The following GCM1 variants were observed in gnomAD, a reference collection of about 807,000 sequenced individuals.
GCM1 encodes the protein GCM transcription factor 1.
GCM1 carries 2 observed loss-of-function variants against 25.7 expected under a neutral mutation model. The ratio of observed to expected loss-of-function variants is 0.08; its 90% CI spans 0.03 to 0.24. The LOEUF (loss-of-function observed/expected upper bound fraction) is 0.24. Ranked by LOEUF, GCM1 falls within the 10% of genes least tolerant of loss-of-function variation. The probability of loss-of-function intolerance (pLI) is 1.00; values close to 1 mark genes in which losing one functional copy is unlikely to be tolerated. For synonymous variants in GCM1, 183 were observed against 195.7 expected, an observed-to-expected ratio of 0.94 and a Z score of 0.54; for missense variants, 395 against 538.7, an observed-to-expected ratio of 0.73 and a Z score of 2.64.
chr6:53,143,837 G>T (rs1171642846), intron 2 of GCM1, among the ~76,000 whole-genome samples: 1 of 151,736 alleles, frequency 6.6e-6, no homozygotes, highest in East Asian at 1.9e-4. Flanking sequence ...GTGGTGAGAG[G>T]GGTAGAGGGG....
In GCM1 at chr6:53,145,739, C is replaced by T; in HGVS notation, c.-107G>A. On this transcript the variant is annotated 5_prime_UTR_variant, in exon 2 of 6. Transcript: ENST00000259803. ...ATATAGCTGGATCGGCCCACTCAAG[C>T]ACCTTGGACCAGGAGATTGTTTTCT... 1.5e-6 allele frequency: 1 copy of T among 682,758 alleles called. No individual in the cohort carries two copies. Among genetic ancestry groups the T allele is most frequent in the Non-Finnish European group, 2.6e-6 (1 of 381,894 alleles). The allele number at this position is 682,758 out of a possible 1,614,324, so 42.3% of individuals were successfully genotyped here.
At chr6:53,139,148 A>T (rs902679215) in intron 2 of GCM1, among the ~76,000 whole-genome samples, 3 of 152,166 alleles carry the variant, frequency 2.0e-5, no homozygotes, top group Non-Finnish European at 1.5e-5. Flanking sequence ...AATATTTCTA[A>T]ATAGAACAGG....
intron 1 of GCM1, among the ~76,000 whole-genome samples, chr6:53,147,350 C>T (rs1452719112): frequency 6.0e-5 from 9 of 150,472 alleles, no homozygotes; most frequent in Admixed American, 1.3e-4. Context: ...TATTTAATAG[C>T]GAACTCAAAC....
chr6:53,147,675 C>T (rs1296911657), intron 1 of GCM1, among the ~76,000 whole-genome samples: 3 of 151,930 alleles, frequency 2.0e-5, no homozygotes, highest in Admixed American at 6.6e-5. Flanking sequence ...GTGATCCATA[C>T]GTCTCTGTCT....
intron 2 of GCM1, among the ~76,000 whole-genome samples, chr6:53,143,092 TG>T (rs1398173988): frequency 1.3e-5 from 2 of 152,178 alleles, no homozygotes; most frequent in African/African-American, 4.8e-5. Context: ...CAGACGAGGA[TG>T]GTATTCTCTC....
chr6:53,130,277 A>G lies in GCM1; in HGVS notation c.570+526T>C, dbSNP rs1335565764. Among the ~76,000 whole-genome samples the G allele has an allele frequency of 2.0e-5, 3 of 152,242 alleles. No individual in the cohort carries two copies. In the East Asian group the frequency reaches 5.8e-4, roughly 29 times the overall value. On this transcript the variant is annotated intron_variant, in intron 5 of 5. Transcript: ENST00000259803. ...CAAAAAAACCTATGATCTGCTGCCC[A>G]TAAAGCAGTGGACTTCACATCACAG...
chr6:53,142,034 A>C (rs1224433200), intron 2 of GCM1, among the ~76,000 whole-genome samples: 2 of 132,448 alleles, frequency 1.5e-5, no homozygotes, highest in Admixed American at 7.6e-5. Context: ...AAAAAAAAAA[A>C]AAAAAAACAG....
rs138240524 is a variant in GCM1 at position 53,133,505 on chromosome 6, T to C, written c.328+567A>G. ...CAGTGCCCGGCCATTTTTCCTTTCT[T>C]TTTGGAGATAGGATCTCACTCTATT... is the stretch of plus-strand genomic sequence containing the variant. On this transcript the variant is annotated intron_variant, in intron 3 of 5. Transcript: ENST00000259803. Among the ~76,000 whole-genome samples the C allele has an allele frequency of 8.4e-3, 1,264 of 151,078 alleles. 5 individuals carry two copies. The highest frequency in any genetic ancestry group is 0.014 in the Middle Eastern group (4 of 286).
chr6:53,132,938 C>A (rs1763745854), intron 3 of GCM1, among the ~76,000 whole-genome samples: 1 of 152,192 alleles, frequency 6.6e-6, no homozygotes, highest in Admixed American at 6.5e-5. Context: ...GTATCTATTT[C>A]ATAATCCAGT....
At chr6:53,134,928 G>A (rs1487516248) in intron 2 of GCM1, among the ~76,000 whole-genome samples, 3 of 152,238 alleles carry the variant, frequency 2.0e-5, no homozygotes, top group Non-Finnish European at 4.4e-5. Flanking sequence ...TAAGCAGTGG[G>A]AGGGATGAAA....
Position 53,128,606 on chromosome 6 carries a change from C to A in GCM1, c.911G>T (p.Gly304Val). ...ACAGTTGTCAGCAAGATGATTTCTC[C>A]CCAAAGCAGCATTTTTACTCCACGC... is the stretch of plus-strand genomic sequence containing the variant. ...LQAWSKNAAL[G>V]RNHLADNCYS... Residue 304 changes from glycine (G) to valine (V), a missense_variant, in exon 6 of 6, where the codon GGG becomes GTG. By Grantham distance (109) the Gly-to-Val change is moderately radical (BLOSUM62 -3). Coordinates refer to ENST00000259803, the MANE Select transcript of GCM1 (RefSeq NM_003643.4). 1 of 1,614,088 alleles carries A rather than the reference C, an allele frequency of 6.2e-7. No individual in the cohort carries two copies. The highest frequency in any genetic ancestry group is 8.5e-7 in the Non-Finnish European group (1 of 1,179,992).
At chr6:53,133,402 G>A (rs952416451) in intron 3 of GCM1, among the ~76,000 whole-genome samples, 2 of 151,940 alleles carry the variant, frequency 1.3e-5, no homozygotes, top group African/African-American at 4.8e-5. Context: ...ATATTGGGCA[G>A]GCTGGTCTTG....
intron 2 of GCM1, among the ~76,000 whole-genome samples, chr6:53,136,067 T>C (rs893502407): frequency 1.3e-5 from 2 of 152,252 alleles, no homozygotes; most frequent in Non-Finnish European, 2.9e-5. Context: ...TCATGGGGCC[T>C]GAGGTGGTCT....
chr6:53,141,132 T>G (rs1763867153), intron 2 of GCM1, among the ~76,000 whole-genome samples: 1 of 152,220 alleles, frequency 6.6e-6, no homozygotes, highest in South Asian at 2.1e-4. Context: ...GATTCTCTAT[T>G]TAGGCAGTAA....
chr6:53,141,149 T>C (rs1358751629), intron 2 of GCM1, among the ~76,000 whole-genome samples: 3 of 152,196 alleles, frequency 2.0e-5, no homozygotes, highest in South Asian at 4.1e-4. Context: ...GTAATCTTGT[T>C]CCACTAGCCC....
At chr6:53,139,554 A>G (rs1763844861) in intron 2 of GCM1, among the ~76,000 whole-genome samples, 2 of 150,842 alleles carry the variant, frequency 1.3e-5, no homozygotes, top group East Asian at 1.9e-4. Context: ...TAATCCTGGT[A>G]TTTCTTAGTC....
intron 1 of GCM1, among the ~76,000 whole-genome samples, chr6:53,147,894 A>G (rs1015555684): frequency 1.3e-5 from 2 of 152,160 alleles, no homozygotes; most frequent in African/African-American, 4.8e-5. Context: ...TTCTCTAGTA[A>G]CAAACTATAG....
At chr6:53,142,083 AGAAACTT>A (rs1243286851) in intron 2 of GCM1, among the ~76,000 whole-genome samples, 3 of 150,306 alleles carry the variant, frequency 2.0e-5, no homozygotes, top group Non-Finnish European at 4.4e-5. Context: ...GGAGAGAGAA[AGAAACTT>A]GAAACTTGAA....
chr6:53,137,110 T>TG (rs1763811192), intron 2 of GCM1, among the ~76,000 whole-genome samples: 1 of 152,162 alleles, frequency 6.6e-6, no homozygotes, highest in Non-Finnish European at 1.5e-5. Context: ...GTAACTACTG[T>TG]GGTTTGGGAA....
Sources: allele counts gnomAD v4.1 joint callset (sites outside exome capture counted in the v4.1 genomes callset), GRCh38; gene constraint gnomAD v4.1.1; transcripts MANE v1.5; gene names NCBI Gene and HGNC (gene_info 2026-07-23, HGNC 2026-07-21).